Variants in TUSC3 observed in about 807,000 individuals in gnomAD.
TUSC3 encodes the protein tumor suppressor candidate 3.
Under a neutral mutation model 44.8 loss-of-function variants are expected in TUSC3, and 45 were observed. The ratio of observed to expected loss-of-function variants is 1.00; its 90% CI spans 0.79 to 1.29. The LOEUF is 1.29. Among genes scored for constraint, TUSC3 ranks in the 50% most tolerant of loss-of-function variants. The probability of loss-of-function intolerance (pLI) is 0.00; values close to 1 mark genes in which losing one functional copy is unlikely to be tolerated. For missense variants in TUSC3, 519 were observed against 437.9 expected, an observed-to-expected ratio of 1.19 and a Z score of -1.65; for synonymous variants, 212 against 152.9, an observed-to-expected ratio of 1.39 and a Z score of -2.85.
the TUSC3 span, among the ~76,000 whole-genome samples, chr8:15,797,430 C>T: frequency 6.6e-6 from 1 of 152,074 alleles, no homozygotes; most frequent in South Asian, 2.1e-4. Context: ...GTGAATCCAC[C>T]CACATGGTTC....
Position 15,534,591 on chromosome 8 carries a change from C to T in TUSC3, n.189+51108C>T, listed in dbSNP as rs571157843. Among the ~76,000 whole-genome samples the T allele has an allele frequency of 2.4e-4, 35 of 148,570 alleles. No individual in the cohort carries two copies. The South Asian group carries it at 5.0e-3, about 21-fold the overall frequency. ...CTGGGAGGCGGAGCTTGCCAGTGGC[C>T]GAGATCGCGCCACTGCACTCCAGCC... On this transcript the variant is annotated intron_variant and non_coding_transcript_variant, in intron 2 of 5. Transcript: ENST00000503191.
At chr8:15,605,602 C>G (rs1353973448) in intron 1 of TUSC3, among the ~76,000 whole-genome samples, 1 of 151,240 alleles carries the variant, frequency 6.6e-6, no homozygotes, top group South Asian at 2.1e-4. Flanking sequence ...CATTGCCTTA[C>G]AAATACCAAA....
chr8:15,653,735 TTTTGC>T lies in TUSC3; in HGVS notation c.426+2924_426+2928del, dbSNP rs1265555868. On this transcript the variant is annotated intron_variant, in intron 3 of 10. Transcript: ENST00000503731. ...ATCTACAGAAGTGGAGAAGTATATG[TTTTGC>T]TTCACTTGAGAAACACTAAAAGGTT... 5.9e-5 allele frequency among the ~76,000 whole-genome samples: 9 copies of T among 152,328 alleles called. No homozygotes were observed. The East Asian group carries it at 1.4e-3, about 23-fold the overall frequency.
intron 1 of TUSC3, among the ~76,000 whole-genome samples, chr8:15,429,082 C>G (rs1799840645): frequency 6.6e-6 from 1 of 152,090 alleles, no homozygotes; most frequent in Admixed American, 6.6e-5. Context: ...AGGTTTTCTT[C>G]TAGGGTTTTT....
intron 1 of TUSC3, among the ~76,000 whole-genome samples, chr8:15,546,676 C>G (rs1204026217): frequency 6.6e-6 from 1 of 151,518 alleles, no homozygotes; most frequent in East Asian, 2.0e-4. Flanking sequence ...GCTGGGATTA[C>G]AGGCATACGC....
At chr8:15,476,867 A>G (rs966464162) in intron 1 of TUSC3, among the ~76,000 whole-genome samples, 1 of 152,222 alleles carries the variant, frequency 6.6e-6, no homozygotes, top group Non-Finnish European at 1.5e-5. Flanking sequence ...TTCACAACCA[A>G]TGACAGGCTG....
intron 2 of TUSC3, among the ~76,000 whole-genome samples, chr8:15,502,315 T>A (rs1458672709): frequency 6.6e-6 from 1 of 152,222 alleles, no homozygotes; most frequent in African/African-American, 2.4e-5. Flanking sequence ...TAAGCAATAT[T>A]TTTTTGAAGT....
intron 2 of TUSC3, among the ~76,000 whole-genome samples, chr8:15,624,978 G>A (rs912039029): frequency 2.6e-5 from 4 of 152,046 alleles, no homozygotes; most frequent in Admixed American, 2.6e-4. Context: ...CATCAAGTAT[G>A]ATATTAGCTG....
chr8:15,791,974 A>G, the TUSC3 span, among the ~76,000 whole-genome samples: 2 of 152,110 alleles, frequency 1.3e-5, no homozygotes, highest in African/African-American at 2.4e-5. Context: ...TATTTAAAGG[A>G]GCGTTCAAGA....
chr8:15,421,185 C>T (rs566899866), intron 1 of TUSC3, among the ~76,000 whole-genome samples: 1 of 145,676 alleles, frequency 6.9e-6, no homozygotes, highest in Non-Finnish European at 1.5e-5. Context: ...TTATAGTTAA[C>T]TTCCTTAAAG....
At chr8:15,424,395 A>G (rs1042169035) in intron 1 of TUSC3, among the ~76,000 whole-genome samples, 1 of 152,148 alleles carries the variant, frequency 6.6e-6, no homozygotes, top group Non-Finnish European at 1.5e-5. Context: ...CATGACTAAC[A>G]AAATCTGGAC....
chr8:15,851,947 A>G, the TUSC3 span, among the ~76,000 whole-genome samples: 2 of 152,252 alleles, frequency 1.3e-5, no homozygotes, highest in South Asian at 4.1e-4. Flanking sequence ...ATAGTTTTAT[A>G]AGGGGAAATC....
At chr8:15,645,658 A>C (rs1806593159) in intron 2 of TUSC3, among the ~76,000 whole-genome samples, 1 of 152,138 alleles carries the variant, frequency 6.6e-6, no homozygotes, top group Admixed American at 6.5e-5. Flanking sequence ...CTGATGATTA[A>C]GATCTGGATT....
intron 1 of TUSC3, among the ~76,000 whole-genome samples, chr8:15,547,061 A>G: frequency 6.6e-6 from 1 of 151,794 alleles, no homozygotes. Context: ...TTTATGGTAT[A>G]TTTATTATTA....
intron 2 of TUSC3, among the ~76,000 whole-genome samples, chr8:15,503,373 T>G (rs1487470701): frequency 3.3e-5 from 5 of 152,172 alleles, no homozygotes; most frequent in African/African-American, 1.2e-4. Context: ...ACCCCGTCTG[T>G]GGCACTGTGC....
At chr8:15,642,670 G>C (rs1031397676) in intron 2 of TUSC3, among the ~76,000 whole-genome samples, 2 of 152,046 alleles carry the variant, frequency 1.3e-5, no homozygotes, top group Non-Finnish European at 2.9e-5. Context: ...TCCTCATTTT[G>C]ACTTCTCAGG....
chr8:15,691,035 G>A lies in TUSC3; in HGVS notation c.798+17199G>A, dbSNP rs145770920. Among the ~76,000 whole-genome samples, 4 of 141,778 alleles carry A rather than the reference G, an allele frequency of 2.8e-5. No individual in the cohort carries two copies. In the East Asian group the frequency reaches 8.1e-4, roughly 29 times the overall value. 93.0% of individuals were successfully genotyped at this position (141,778 alleles called of 152,430 possible). ...TTAAAATAGTTTTTTTCCTAATTCT[G>A]TGAAGAATGTCCTTGGTAGTTTGAT... On this transcript the variant is annotated intron_variant, in intron 6 of 10. Transcript: ENST00000503731.
intron 6 of TUSC3, among the ~76,000 whole-genome samples, chr8:15,708,095 T>G (rs1177435528): frequency 6.6e-6 from 1 of 151,940 alleles, no homozygotes; most frequent in Non-Finnish European, 1.5e-5. Context: ...ACTAATTAAA[T>G]CTGTTTCCAA....
At chr8:15,471,576 G>T (rs11776204) in intron 1 of TUSC3, among the ~76,000 whole-genome samples, 7,931 of 151,260 alleles carry the variant, frequency 0.052, 253 homozygotes, top group East Asian at 0.13. Context: ...ATGAATCATA[G>T]TGTTATAAAT....
Sources: gnomAD v4.1 joint callset for allele counts (sites outside exome capture counted in the v4.1 genomes callset) on GRCh38, gnomAD v4.1.1 for gene constraint, MANE v1.5 for transcripts, NCBI Gene and HGNC (gene_info 2026-07-23, HGNC 2026-07-21) for gene names.